Variants in TNFAIP3 observed in about 807,000 individuals in gnomAD.
The protein encoded by TNFAIP3 is tumor necrosis factor alpha-induced protein 3.
A neutral mutation model predicts 72.4 loss-of-function variants in TNFAIP3; 9 were observed. That is an observed-to-expected ratio of 0.12 (90% CI 0.07 to 0.22). The LOEUF (loss-of-function observed/expected upper bound fraction) is 0.22, where lower values mean the gene tolerates loss of function less well. Among genes scored for constraint, TNFAIP3 ranks in the 10% least tolerant of loss-of-function variants. The probability of loss-of-function intolerance (pLI) is 1.00; values close to 1 mark genes in which losing one functional copy is unlikely to be tolerated. For synonymous variants in TNFAIP3, 339 were observed against 372.6 expected (o/e 0.91, Z 1.04); for missense variants, 833 against 1,018.7 (o/e 0.82, Z 2.48).
rs1348603941 is a variant in TNFAIP3 at position 137,867,311 on chromosome 6, G to C, written c.-247G>C. The C allele has an allele frequency of 6.6e-6, 1 of 152,100 alleles. No individual in the cohort carries two copies. Among genetic ancestry groups the C allele is most frequent in the African/African-American group, 2.4e-5 (1 of 41,446 alleles). The allele number at this position is 152,100 out of a possible 1,614,324, so 9.4% of individuals were successfully genotyped here. On this transcript the variant is annotated 5_prime_UTR_variant, in exon 1 of 9. Coordinates refer to ENST00000612899, the MANE Select transcript of TNFAIP3 (RefSeq NM_001270508.2). The surrounding 1 kb of genome is among the most constrained non-coding windows in gnomAD (Gnocchi z 6.0). ...AGCGAGCTTGGAGCCCGCGGGGGCG[G>C]AGCGGTGAGAGCGGCCGCCAAGAGA...
chr6:137,879,920 T>G (rs924090461), intron 7 of TNFAIP3, 151 bp from the exon 8 acceptor site: 3 of 597,442 alleles, frequency 5.0e-6, no homozygotes, highest in African/African-American at 3.7e-5. Flanking sequence ...TTTGCTGAAT[T>G]TATAGACTTA....
Position 137,871,426 on chromosome 6 carries a change from G to A in TNFAIP3, c.199G>A (p.Ala67Thr), listed in dbSNP as rs761575322. ...TCAGTTTCGGGAGATCATCCACAAAGCCCTCATCGACAGAAACATCCAGGC... is the reference window on the plus strand; with the variant it reads ...TCAGTTTCGGGAGATCATCCACAAAACCCTCATCGACAGAAACATCCAGGC... ...CPQFREIIHK[A>T]LIDRNIQATL... is the part of the protein sequence containing the mutation. The change falls in exon 2 of 9, where the codon GCC becomes ACC. Residue 67 changes from alanine (A) to threonine (T), a missense_variant. Ala to Thr is a moderately conservative substitution (Grantham distance 58). Coordinates refer to ENST00000612899, the MANE Select transcript of TNFAIP3 (RefSeq NM_001270508.2). This position sits in a 1 kb window ranked among gnomAD's most constrained non-coding sequence, Gnocchi z 4.2. The A allele has an allele frequency of 2.5e-6, 4 of 1,614,164 alleles. No individual in the cohort carries two copies. Among genetic ancestry groups the A allele is most frequent in the Non-Finnish European group, 3.4e-6 (4 of 1,180,026 alleles).
At position 137,874,839 on chromosome 6, in the gene TNFAIP3, C is replaced by T. The variant is rs1776181932; in HGVS notation, c.296-6C>T. The T allele has an allele frequency of 6.8e-6, 11 of 1,612,040 alleles. No individual in the cohort carries two copies. The highest frequency in any genetic ancestry group is 8.5e-6 in the Non-Finnish European group (10 of 1,178,562). On this transcript the variant is annotated splice_polypyrimidine_tract_variant and splice_region_variant and intron_variant, in intron 2 of 8. Coordinates refer to ENST00000612899, the MANE Select transcript of TNFAIP3 (RefSeq NM_001270508.2). ...TTCCTTCTCTTCTCCTCCTTTCTGTCCTCAGGTGACGGCAATTGCCTCATG... is the reference window on the plus strand; with the variant it reads ...TTCCTTCTCTTCTCCTCCTTTCTGTTCTCAGGTGACGGCAATTGCCTCATG...
In TNFAIP3 at chr6:137,875,749, G is replaced by T. The variant is rs375378882; in HGVS notation, c.548G>T (p.Arg183Leu). The change falls in exon 4 of 9, where the codon CGA becomes CTA. Residue 183 changes from arginine (R) to leucine (L), a missense_variant. Coordinates refer to ENST00000612899, the MANE Select transcript of TNFAIP3 (RefSeq NM_001270508.2). ...GCTTCCACAGACACACCCATGGCCC[G>T]AAGTGGACTTCAGTACAACTCACTG... is the stretch of plus-strand genomic sequence containing the variant. ...KMASTDTPMA[R>L]SGLQYNSLEE... 3 of 1,614,014 alleles carry T rather than the reference G, an allele frequency of 1.9e-6. No homozygotes were observed. Among genetic ancestry groups the T allele is most frequent in the Non-Finnish European group, 2.5e-6 (3 of 1,180,012 alleles).
rs2114500232 is a variant in TNFAIP3 at position 137,878,824 on chromosome 6, C to T, written c.1379C>T (p.Ala460Val). The change falls in exon 7 of 9, where the codon GCC becomes GTC. Residue 460 changes from alanine (A) to valine (V), a missense_variant. Around this residue, in one of 2 missense-constraint regions of TNFAIP3, gnomAD observed 587 missense variants for 657.8 expected, o/e 0.89. Transcript: ENST00000612899. The stretch of plus-strand genomic sequence containing the variant: ...GAGTCCACTGGGGGGCCTCATTCGG[C>T]CCCACCGACAGCACCCAGCCCTTTT... ...PEESTGGPHS[A>V]PPTAPSPFLF... is the part of the protein sequence containing the mutation. The T allele has an allele frequency of 1.9e-6, 3 of 1,614,124 alleles. No individual in the cohort carries two copies. The highest frequency in any genetic ancestry group is 2.5e-6 in the Non-Finnish European group (3 of 1,180,038).
Position 137,879,093 on chromosome 6 carries a change from A to G in TNFAIP3, c.1648A>G (p.Ser550Gly), listed in dbSNP as rs767130578. ...AAGGACTACAGCAGAGGCCTCCTCCAGCCTCAGCACCAGCCTCCCTCCTTC... is the reference window on the plus strand; with the variant it reads ...AAGGACTACAGCAGAGGCCTCCTCCGGCCTCAGCACCAGCCTCCCTCCTTC... Reference protein sequence around the residue: ...FKRTTAEASSSLSTSLPPSCH... With the variant: ...FKRTTAEASSGLSTSLPPSCH... The change falls in exon 7 of 9, where the codon AGC (serine) becomes GGC (glycine). Residue 550 changes from serine to glycine, a missense_variant. Transcript: ENST00000612899. 2 of 1,614,186 alleles carry G rather than the reference A, an allele frequency of 1.2e-6. No individual in the cohort carries two copies. Among genetic ancestry groups the G allele is most frequent in the Non-Finnish European group, 1.7e-6 (2 of 1,180,034 alleles).
At position 137,881,173 on chromosome 6, in the gene TNFAIP3, A is replaced by G. The variant is rs552233795; in HGVS notation, c.2227A>G (p.Met743Val). 6.2e-7 allele frequency: 1 copy of G among 1,613,698 alleles called. No individual in the cohort carries two copies. The highest frequency in any genetic ancestry group is 1.7e-5 in the Admixed American group (1 of 59,994). Reference sequence around the variant, plus strand: ...GGAGTGTCAGCATCCCAACCAGAGGATGGGCCCTGGGGCCCACCGGGGTGA... The same window carrying G: ...GGAGTGTCAGCATCCCAACCAGAGGGTGGGCCCTGGGGCCCACCGGGGTGA... ...CMECQHPNQR[M>V]GPGAHRGEPA... Residue 743 changes from methionine (M) to valine (V), a missense_variant, in exon 9 of 9, where the codon ATG becomes GTG. Physicochemically the swap from Met to Val is conservative, Grantham distance 21 (BLOSUM62 1). This residue lies in a region of TNFAIP3 where 587 missense variants were observed against 657.8 expected (regional missense o/e 0.89). Coordinates refer to ENST00000612899, the MANE Select transcript of TNFAIP3 (RefSeq NM_001270508.2). The surrounding 1 kb of genome is among the most constrained non-coding windows in gnomAD (Gnocchi z 5.0).
In TNFAIP3 at chr6:137,881,173, A is replaced by T. The variant is rs552233795; in HGVS notation, c.2227A>T (p.Met743Leu). ...CMECQHPNQR[M>L]GPGAHRGEPA... is the part of the protein sequence containing the mutation. ...GGAGTGTCAGCATCCCAACCAGAGG[A>T]TGGGCCCTGGGGCCCACCGGGGTGA... Residue 743 changes from methionine to leucine, a missense_variant, in exon 9 of 9, where the codon ATG becomes TTG. Physicochemically the swap from Met to Leu is conservative, Grantham distance 15. Around this residue, in one of 2 missense-constraint regions of TNFAIP3, gnomAD observed 587 missense variants for 657.8 expected, o/e 0.89. Transcript: ENST00000612899. The surrounding 1 kb of genome is among the most constrained non-coding windows in gnomAD (Gnocchi z 5.0). 9.3e-6 allele frequency: 15 copies of T among 1,613,580 alleles called. No individual in the cohort carries two copies. In the South Asian group the frequency reaches 1.4e-4, roughly 15 times the overall value.
In TNFAIP3 at chr6:137,869,372, TGGATGGACGGACGGACGGACGGAC is replaced by T. The variant is rs1208619247; in HGVS notation, c.-16+1835_-15-1813del. Among the ~76,000 whole-genome samples, 825 of 140,678 alleles carry T rather than the reference TGGATGGACGGACGGACGGACGGAC, an allele frequency of 5.9e-3. 9 individuals are homozygous for T. Among genetic ancestry groups the T allele is most frequent in the African/African-American group, 0.02 (762 of 38,822 alleles). 92.3% of individuals were successfully genotyped at this position (140,678 alleles called of 152,430 possible). A position where few individuals can be genotyped will look rare whatever the true frequency, so the allele number is the denominator to read the frequency against. On this transcript the variant is annotated intron_variant, in intron 1 of 8. Coordinates refer to ENST00000612899, the MANE Select transcript of TNFAIP3 (RefSeq NM_001270508.2). ...ATGGATGGATGGATGGATGGATGGA[TGGATGGACGGACGGACGGACGGAC>T]GGATAGATGATATTGTGAAAGAGAC...
In TNFAIP3 at chr6:137,882,278, G is replaced by A. The variant is rs1337169374; in HGVS notation, c.*959G>A. On this transcript the variant is annotated 3_prime_UTR_variant, in exon 9 of 9. Coordinates refer to ENST00000612899, the MANE Select transcript of TNFAIP3 (RefSeq NM_001270508.2). ...AACTCAACCAGCTGCCTTTTTAAAGGGAGCTCTAGTCCTTTTTGTGTAATT... is the reference window on the plus strand; with the variant it reads ...AACTCAACCAGCTGCCTTTTTAAAGAGAGCTCTAGTCCTTTTTGTGTAATT... 1.3e-5 allele frequency: 3 copies of A among 231,726 alleles called. No individual in the cohort carries two copies. Among genetic ancestry groups the A allele is most frequent in the Non-Finnish European group, 2.6e-5 (3 of 117,192 alleles). The allele number at this position is 231,726 out of a possible 1,614,324, so 14.4% of individuals were successfully genotyped here.
At chr6:137,880,774 G>A (rs1483152928) in intron 8 of TNFAIP3, among the ~76,000 whole-genome samples, 2 of 152,198 alleles carry the variant, frequency 1.3e-5, no homozygotes, top group Non-Finnish European at 2.9e-5. Flanking sequence ...AAGAGAGCCA[G>A]GGAAAGTTTG....
intron 8 of TNFAIP3, among the ~76,000 whole-genome samples, chr6:137,880,531 A>G (rs1485064759): frequency 6.6e-6 from 1 of 152,264 alleles, no homozygotes; most frequent in Non-Finnish European, 1.5e-5. Flanking sequence ...GCCTCCAAAA[A>G]GCCAGATGGT....
At chr6:137,879,712 G>A (rs572865856) in intron 7 of TNFAIP3, among the ~76,000 whole-genome samples, 50 of 152,324 alleles carry the variant, frequency 3.3e-4, no homozygotes, top group African/African-American at 1.2e-3. Flanking sequence ...CTTAAAATCT[G>A]AAGAGTAGTA....
chr6:137,878,661 G>A lies in TNFAIP3; in HGVS notation c.1216G>A (p.Glu406Lys), dbSNP rs765675314. Residue 406 changes from glutamate to lysine, a missense_variant, in exon 7 of 9, where the codon GAG becomes AAG. By Grantham distance (56) the Glu-to-Lys change is moderately conservative (BLOSUM62 1). This residue lies in a region of TNFAIP3 where 587 missense variants were observed against 657.8 expected (regional missense o/e 0.89). Transcript: ENST00000612899. ...TGTGAACACCCAGCCTTTATGCCAT[G>A]AGTGCTCAGAGAGGCGGCAAAAGAA... ...MSVNTQPLCH[E>K]CSERRQKNQN... 4.3e-6 allele frequency: 7 copies of A among 1,614,184 alleles called. No homozygotes were observed. Among genetic ancestry groups the A allele is most frequent in the Non-Finnish European group, 5.1e-6 (6 of 1,180,032 alleles).
At position 137,875,676 on chromosome 6, in the gene TNFAIP3, C is replaced by T. The variant is rs372145581; in HGVS notation, c.487-12C>T. Reference sequence around the variant, plus strand: ...ATACATTCAAGCTTTTTTTTCACCCCGCTCCCCTTAGAACTGGAATGATGA... The same window carrying T: ...ATACATTCAAGCTTTTTTTTCACCCTGCTCCCCTTAGAACTGGAATGATGA... On this transcript the variant is annotated splice_polypyrimidine_tract_variant and intron_variant, in intron 3 of 8. Transcript: ENST00000612899. 81 of 1,609,818 alleles carry T rather than the reference C, an allele frequency of 5.0e-5. No homozygotes were observed. Among genetic ancestry groups the T allele is most frequent in the Non-Finnish European group, 5.7e-5 (67 of 1,178,612 alleles).
rs1454693796 is a variant in TNFAIP3, at chr6:137,871,584, A to T, written c.295+62A>T. ...GATAGCTCCCGCCTGCTGGATCCCC[A>T]TTCATGAAGCTTTAATAGGACAAGC... On this transcript the variant is annotated intron_variant, in intron 2 of 8. Coordinates refer to ENST00000612899, the MANE Select transcript of TNFAIP3 (RefSeq NM_001270508.2). The surrounding 1 kb of genome is among the most constrained non-coding windows in gnomAD (Gnocchi z 4.2). 3.8e-6 allele frequency: 6 copies of T among 1,563,178 alleles called. No individual in the cohort carries two copies. The African/African-American group carries it at 8.2e-5, about 21-fold the overall frequency.
At position 137,878,520 on chromosome 6, in the gene TNFAIP3, A is replaced by G. The variant is rs1004332178; in HGVS notation, c.1075A>G (p.Asn359Asp). The change falls in exon 7 of 9, where the codon AAC becomes GAC. Residue 359 changes from asparagine to aspartate, a missense_variant. Transcript: ENST00000612899. ...GCATGAGTACAAGAAATGGCAGGAA[A>G]ACAGCGAGCAGGGGAGGAGAGAGGG... The part of the protein sequence containing the change: ...VQHEYKKWQE[N>D]SEQGRREGHA... The G allele has an allele frequency of 1.2e-5, 19 of 1,614,142 alleles. No individual in the cohort carries two copies. The highest frequency in any genetic ancestry group is 1.7e-5 in the Admixed American group (1 of 60,014).
chr6:137,879,338 C>T lies in TNFAIP3; in HGVS notation c.1893C>T (p.Tyr631=). ...TTTGCACACTGTGTTTCATCGAGTA[C>T]AGAGAAAACAAACGTGAGTGAAGTG... ...KGFCTLCFIE[Y]RENKHFAAAS... The change falls in exon 7 of 9, where the codon TAC becomes TAT. Residue 631 remains tyrosine, a synonymous_variant. Coordinates refer to ENST00000612899, the MANE Select transcript of TNFAIP3 (RefSeq NM_001270508.2). The T allele has an allele frequency of 6.2e-7, 1 of 1,611,268 alleles. No individual in the cohort carries two copies. Among genetic ancestry groups the T allele is most frequent in the Non-Finnish European group, 8.5e-7 (1 of 1,177,930 alleles).
At chr6:137,876,224 CT>C (rs35302914) in intron 5 of TNFAIP3, 58 bp downstream of exon 5, 1 of 1,412,068 alleles carries the variant, frequency 7.1e-7, no homozygotes, top group Non-Finnish European at 9.8e-7. Context: ...CAGGGTTTTC[CT>C]TTTTGCTTCT....
Sources: gnomAD v4.1 joint callset for allele counts (sites outside exome capture counted in the v4.1 genomes callset) on GRCh38, gnomAD v4.1.1 for gene constraint, gnomAD v4.1.1 regional missense constraint, Gnocchi (gnomAD v3.1) non-coding constraint, MANE v1.5 for transcripts, NCBI Gene and HGNC (gene_info 2026-07-23, HGNC 2026-07-21) for gene names.